The following NSUN3 variants were observed in gnomAD, a reference collection of about 807,000 sequenced individuals.
NSUN3 encodes the protein tRNA (cytosine(34)-C(5))-methyltransferase, mitochondrial.
A neutral mutation model predicts 36.8 loss-of-function variants in NSUN3; 24 were observed. The ratio of observed to expected loss-of-function variants is 0.65; its 90% confidence interval spans 0.47 to 0.92. NSUN3 has a LOEUF of 0.92. Among genes scored for constraint, NSUN3 ranks in the 40% least tolerant of loss-of-function variants. The pLI, the probability that NSUN3 is intolerant of heterozygous loss-of-function variation, is 0.00. For synonymous variants in NSUN3, 146 were observed against 145.2 expected, an observed-to-expected ratio of 1.01 and a Z score of -0.04; for missense variants, 381 against 392.8, an observed-to-expected ratio of 0.97 and a Z score of 0.25.
At chr3:94,068,286 C>G (rs986603155) in intron 2 of NSUN3, among the ~76,000 whole-genome samples, 12 of 152,084 alleles carry the variant, frequency 7.9e-5, no homozygotes, top group African/African-American at 2.2e-4. Flanking sequence ...TATGATTAAC[C>G]ACTTCATCAA....
chr3:94,068,639 ATATT>A lies in NSUN3; in HGVS notation c.122+4098_122+4101del, dbSNP rs1425556132. On this transcript the variant is annotated intron_variant, in intron 2 of 5. Coordinates refer to ENST00000314622, the MANE Select transcript of NSUN3 (RefSeq NM_022072.5). ...TGATTAATATAAGCATTAATTAGAA[ATATT>A]TATTAACTGTGGAAATTTTACATGT... 3.3e-5 allele frequency among the ~76,000 whole-genome samples: 5 copies of A among 152,346 alleles called. No individual in the cohort carries two copies. The East Asian group carries it at 9.6e-4, about 29-fold the overall frequency.
In NSUN3 at chr3:94,127,071, A is replaced by G. The variant is rs571756769; in HGVS notation, c.*581A>G. On this transcript the variant is annotated 3_prime_UTR_variant, in exon 6 of 6. Transcript: ENST00000314622. ...GTTTACTGCAAAGGTCAGTGACTCT[A>G]CTGACACCAGCTTTATTTCCCCCAC... The G allele has an allele frequency of 1.3e-5, 2 of 152,316 alleles. No individual in the cohort carries two copies. Among genetic ancestry groups the G allele is most frequent in the East Asian group, 1.9e-4 (1 of 5,184 alleles). 9.4% of individuals were successfully genotyped at this position (152,316 alleles called of 1,614,324 possible).
intron 2 of NSUN3, among the ~76,000 whole-genome samples, chr3:94,074,394 C>T (rs924521263): frequency 2.0e-5 from 3 of 152,134 alleles, no homozygotes; most frequent in African/African-American, 7.2e-5. Context: ...TTACTCTGGG[C>T]AGTATGGCCA....
chr3:94,077,054 C>T, intron 2 of NSUN3: 2 of 796,984 alleles, frequency 2.5e-6, no homozygotes, highest in South Asian at 2.7e-5. Context: ...CTGGGCCACT[C>T]CAGAGCCTGC....
intron 5 of NSUN3, among the ~76,000 whole-genome samples, chr3:94,107,280 G>T (rs1368560953): frequency 1.3e-5 from 2 of 151,988 alleles, no homozygotes; most frequent in Non-Finnish European, 2.9e-5. Flanking sequence ...TATATGTTTT[G>T]TTGTTGTTGT....
chr3:94,097,550 A>T (rs982683878), intron 5 of NSUN3, among the ~76,000 whole-genome samples: 1 of 152,126 alleles, frequency 6.6e-6, no homozygotes, highest in Non-Finnish European at 1.5e-5. Flanking sequence ...AATTTGTCTC[A>T]TCCGACAGGT....
At chr3:94,124,148 C>CTTTTTTTTTTTTTTT (rs58987431) in intron 5 of NSUN3, among the ~76,000 whole-genome samples, 1 of 88,186 alleles carries the variant, frequency 1.1e-5, no homozygotes, top group Non-Finnish European at 2.1e-5. Flanking sequence ...TATTTTATTT[C>CTTTTTTTTTTTTTTT]TTTTTTTTTT....
At chr3:94,124,675 G>A (rs1196255073) in intron 5 of NSUN3, among the ~76,000 whole-genome samples, 1 of 152,086 alleles carries the variant, frequency 6.6e-6, no homozygotes, top group East Asian at 1.9e-4. Context: ...GACCCTGTCT[G>A]TAAATACAGT....
At chr3:94,082,808 G>A (rs1359614672) in intron 2 of NSUN3, among the ~76,000 whole-genome samples, 1 of 152,160 alleles carries the variant, frequency 6.6e-6, no homozygotes, top group East Asian at 1.9e-4. Context: ...CTGGGGGAAA[G>A]CCTGCACCAT....
chr3:94,105,748 T>TACACAC (rs148215821), intron 5 of NSUN3, among the ~76,000 whole-genome samples: 1 of 149,292 alleles, frequency 6.7e-6, no homozygotes, highest in Non-Finnish European at 1.5e-5. Flanking sequence ...CACACACACA[T>TACACAC]ACACACACAC....
chr3:94,102,913 G>A (rs2077371816), intron 5 of NSUN3, among the ~76,000 whole-genome samples: 1 of 151,840 alleles, frequency 6.6e-6, no homozygotes, highest in South Asian at 2.1e-4. Context: ...TTGAGAGAGA[G>A]TCTCACTCTG....
intron 2 of NSUN3, among the ~76,000 whole-genome samples, chr3:94,080,948 T>A (rs561757893): frequency 2.6e-5 from 4 of 152,122 alleles, no homozygotes; most frequent in Non-Finnish European, 5.9e-5. Context: ...CAGGCGCCAC[T>A]GGGGTATGGA....
chr3:94,103,280 A>G (rs904363188), intron 5 of NSUN3, among the ~76,000 whole-genome samples: 2 of 152,098 alleles, frequency 1.3e-5, no homozygotes, highest in Non-Finnish European at 2.9e-5. Flanking sequence ...CAGGCCAGTT[A>G]TCGTAAAATG....
Position 94,094,302 on chromosome 3 carries a change from T to C in NSUN3, c.621+8T>C. The C allele has an allele frequency of 6.2e-7, 1 of 1,609,008 alleles. No individual in the cohort carries two copies. The highest frequency in any genetic ancestry group is 1.1e-5 in the South Asian group (1 of 90,102). ...CCTGAAATGTTTGACAAGGTACTTT[T>C]ATTACATTGTGACAAACTGATGGAC... On this transcript the variant is annotated splice_region_variant and intron_variant, in intron 4 of 5. Transcript: ENST00000314622.
intron 2 of NSUN3, among the ~76,000 whole-genome samples, chr3:94,078,068 T>G (rs532302995): frequency 2.0e-5 from 3 of 152,340 alleles, no homozygotes; most frequent in South Asian, 4.1e-4. Flanking sequence ...CTTTCTCTTG[T>G]GAGCATTTAG....
intron 2 of NSUN3, among the ~76,000 whole-genome samples, chr3:94,083,261 G>A (rs1025920521): frequency 2.0e-5 from 3 of 152,078 alleles, no homozygotes; most frequent in African/African-American, 7.2e-5. Context: ...CCAGGTTCTT[G>A]GAGTTTTGAA....
At chr3:94,077,208 G>A (rs1374010845) in intron 2 of NSUN3, 1 of 669,306 alleles carries the variant, frequency 1.5e-6, no homozygotes, top group South Asian at 1.6e-5. Flanking sequence ...TACTGGAGTC[G>A]GGTGTTGCAG....
chr3:94,110,161 A>C (rs1366976647), intron 5 of NSUN3, among the ~76,000 whole-genome samples: 4 of 152,154 alleles, frequency 2.6e-5, no homozygotes, highest in Non-Finnish European at 5.9e-5. Context: ...AAGTGCATGA[A>C]TAAGGCTTGA....
chr3:94,085,767 T>C (rs2077290232), intron 3 of NSUN3, among the ~76,000 whole-genome samples: 1 of 152,006 alleles, frequency 6.6e-6, no homozygotes, highest in African/African-American at 2.4e-5. Context: ...CCAGAGAAAA[T>C]TGTGTTACAG....
Sources: gnomAD v4.1 joint callset for allele counts (sites outside exome capture counted in the v4.1 genomes callset) on GRCh38, gnomAD v4.1.1 for gene constraint, MANE v1.5 for transcripts, NCBI Gene and HGNC (gene_info 2026-07-23, HGNC 2026-07-21) for gene names.